UNC13C: variants seen among roughly 807,000 people sequenced by gnomAD.
UNC13C encodes the protein protein unc-13 homolog C.
In UNC13C, 174 loss-of-function variants were observed where a neutral mutation model predicts 245.4. That is an observed-to-expected ratio of 0.71 (90% CI 0.63 to 0.80). The LOEUF (loss-of-function observed/expected upper bound fraction) is 0.80, where lower values mean the gene tolerates loss of function less well. UNC13C is among the 30% of genes least tolerant of loss of function. The pLI, the probability that UNC13C is intolerant of heterozygous loss-of-function variation, is 0.00. For missense variants in UNC13C, 2,829 were observed against 2,602.9 expected (o/e 1.09, Z -1.89); for synonymous variants, 992 against 895.1 (o/e 1.11, Z -1.93).
chr15:53,976,755 T>C (rs751232079), upstream of UNC13C: 1 of 152,192 alleles, frequency 6.6e-6, no homozygotes, highest in Non-Finnish European at 1.5e-5. Context: ...ACTGAAGACG[T>C]ATGCACATTT....
intron 19 of UNC13C, among the ~76,000 whole-genome samples, chr15:54,493,531 G>A (rs904923340): frequency 2.6e-5 from 4 of 151,904 alleles, no homozygotes; most frequent in East Asian, 1.9e-4. Context: ...TCTATATTCC[G>A]GTTTTGAAAA....
intron 25 of UNC13C, among the ~76,000 whole-genome samples, chr15:54,531,674 A>G (rs973378077): frequency 6.6e-6 from 1 of 152,054 alleles, no homozygotes; most frequent in African/African-American, 2.4e-5. Flanking sequence ...ATTTTATTGA[A>G]ATATAATTCA....
intron 2 of UNC13C, among the ~76,000 whole-genome samples, chr15:54,118,233 G>C (rs2141188600): frequency 6.6e-6 from 1 of 151,968 alleles, no homozygotes; most frequent in African/African-American, 2.4e-5. Context: ...TTAATCTGTG[G>C]ATTTCTTTGG....
At chr15:54,614,367 G>T (rs904893945) in intron 30 of UNC13C, among the ~76,000 whole-genome samples, 14 of 151,784 alleles carry the variant, frequency 9.2e-5, no homozygotes, top group Non-Finnish European at 2.1e-4. Context: ...GACTCTATAG[G>T]CATCTATTCA....
At chr15:54,280,896 C>T (rs936451117) in intron 10 of UNC13C, among the ~76,000 whole-genome samples, 5 of 151,754 alleles carry the variant, frequency 3.3e-5, no homozygotes, top group Admixed American at 2.6e-4. Flanking sequence ...CTCCCAGGCT[C>T]AAGCGATTTT....
At chr15:53,936,012 C>T in the UNC13C span, among the ~76,000 whole-genome samples, 1 of 152,182 alleles carries the variant, frequency 6.6e-6, no homozygotes, top group Non-Finnish European at 1.5e-5. Context: ...GGTCTGAATC[C>T]AGGGAATAAG....
At chr15:54,050,659 G>A (rs905135302) in intron 2 of UNC13C, 9 of 484,182 alleles carry the variant, frequency 1.9e-5, no homozygotes, top group Admixed American at 1.5e-4. Context: ...GCTTGAATTT[G>A]TCTCTTATAC....
intron 29 of UNC13C, among the ~76,000 whole-genome samples, chr15:54,562,655 C>T (rs956006824): frequency 5.3e-5 from 8 of 152,022 alleles, no homozygotes; most frequent in Admixed American, 5.2e-4. Flanking sequence ...TCCTTCTGTT[C>T]TTTGGAACTA....
At chr15:54,477,875 G>T (rs1328229526) in intron 19 of UNC13C, among the ~76,000 whole-genome samples, 4 of 149,328 alleles carry the variant, frequency 2.7e-5, no homozygotes, top group African/African-American at 9.9e-5. Flanking sequence ...AATAGTTTCA[G>T]AAGGAATGGT....
chr15:54,153,003 A>C (rs1177503347), intron 4 of UNC13C, among the ~76,000 whole-genome samples: 1 of 152,202 alleles, frequency 6.6e-6, no homozygotes, highest in Admixed American at 6.5e-5. Flanking sequence ...CAGACTATAT[A>C]GTAGTCAGAG....
intron 27 of UNC13C, among the ~76,000 whole-genome samples, chr15:54,548,159 C>G (rs1192124290): frequency 6.6e-6 from 1 of 151,140 alleles, no homozygotes; most frequent in African/African-American, 2.4e-5. Flanking sequence ...AGCATTGTCT[C>G]AGCCCACTTT....
In UNC13C at chr15:54,332,097, C is replaced by T; in HGVS notation, c.4480C>T (p.Leu1494=). ...GTTACATAACTCTTTGAGGATTGAT[C>T]TGTCAAAGTATAGGGTATGTACAAA... The part of the protein sequence containing the change: ...DQLHNSLRID[L]SKYRENFPAS... Residue 1494 remains leucine (L), a synonymous_variant, in exon 15 of 33, where the codon CTG becomes TTG. Transcript: ENST00000260323. The T allele has an allele frequency of 6.3e-7, 1 of 1,576,348 alleles. No individual in the cohort carries two copies.
At chr15:54,616,822 C>A (rs1424607077) in intron 30 of UNC13C, among the ~76,000 whole-genome samples, 1 of 151,998 alleles carries the variant, frequency 6.6e-6, no homozygotes, top group Non-Finnish European at 1.5e-5. Context: ...ATTCACTCAT[C>A]ACTCACGCAT....
At chr15:54,372,347 A>G (rs1169658149) in intron 17 of UNC13C, among the ~76,000 whole-genome samples, 1 of 152,072 alleles carries the variant, frequency 6.6e-6, no homozygotes, top group Non-Finnish European at 1.5e-5. Flanking sequence ...TTAAGAGCCT[A>G]GATTATTGAA....
At chr15:54,456,524 C>G (rs908581979) in intron 19 of UNC13C, among the ~76,000 whole-genome samples, 3 of 151,796 alleles carry the variant, frequency 2.0e-5, no homozygotes, top group African/African-American at 7.2e-5. Flanking sequence ...CTGTTTCTTT[C>G]AGCAGTGTTT....
intron 4 of UNC13C, among the ~76,000 whole-genome samples, chr15:54,220,256 C>A (rs1399006691): frequency 2.7e-5 from 4 of 150,198 alleles, no homozygotes; most frequent in African/African-American, 7.5e-5. Flanking sequence ...CCATGGAATA[C>A]TATGCAGCCA....
intron 4 of UNC13C, among the ~76,000 whole-genome samples, chr15:54,195,033 G>C (rs1344973195): frequency 6.6e-6 from 1 of 152,074 alleles, no homozygotes; most frequent in African/African-American, 2.4e-5. Context: ...TATTGAGTTG[G>C]GTTAGCTTTT....
At chr15:54,007,833 A>G (rs773737261) in intron 1 of UNC13C, among the ~76,000 whole-genome samples, 8 of 152,142 alleles carry the variant, frequency 5.3e-5, no homozygotes, top group African/African-American at 9.7e-5. Context: ...AGATCAGAAT[A>G]AGGGCCAGTG....
chr15:54,236,365 C>T lies in UNC13C; in HGVS notation c.3151-65C>T. On this transcript the variant is annotated intron_variant, in intron 5 of 32. Transcript: ENST00000260323. Reference sequence around the variant, plus strand: ...TAGGCTAATTTAACATTGTTATACTCTTTTCCTACCTTTCATGTATCTAAT... The same window carrying T: ...TAGGCTAATTTAACATTGTTATACTTTTTTCCTACCTTTCATGTATCTAAT... 2.3e-6 allele frequency: 3 copies of T among 1,306,250 alleles called. No homozygotes were observed. In the South Asian group the frequency reaches 3.6e-5, roughly 16 times the overall value. The allele number at this position is 1,306,250 out of a possible 1,614,324, so 80.9% of individuals were successfully genotyped here.
Sources: allele counts gnomAD v4.1 joint callset (sites outside exome capture counted in the v4.1 genomes callset), GRCh38; gene constraint gnomAD v4.1.1; transcripts MANE v1.5; gene names NCBI Gene and HGNC (gene_info 2026-07-23, HGNC 2026-07-21).